Variants in GPR155 observed in about 807,000 individuals in gnomAD.
The protein encoded by GPR155 is G protein-coupled receptor 155.
GPR155 carries 65 observed loss-of-function variants against 93.1 expected under a neutral mutation model. The ratio of observed to expected loss-of-function variants is 0.70; its 90% CI spans 0.57 to 0.86. The LOEUF is 0.86. GPR155 is among the 40% of genes least tolerant of loss of function. The pLI, the probability that GPR155 is intolerant of heterozygous loss-of-function variation, is 0.00. For synonymous variants in GPR155, 319 were observed against 360.1 expected, an observed-to-expected ratio of 0.89 and a Z score of 1.29; for missense variants, 838 against 1,034.8, an observed-to-expected ratio of 0.81 and a Z score of 2.61.
chr2:174,466,615 C>G lies in GPR155; in HGVS notation c.1195G>C (p.Ala399Pro), dbSNP rs767697426. Residue 399 changes from alanine to proline, a missense_variant, in exon 6 of 16, where the codon GCT (alanine) becomes CCT (proline). Physicochemically the swap from Ala to Pro is conservative, Grantham distance 27 (BLOSUM62 -1). This residue lies in a region of GPR155 where 663 missense variants were observed against 790.1 expected (regional missense o/e 0.84). Transcript: ENST00000392552. Reference sequence around the variant, plus strand: ...TATTTCTTACTCAAAAGAAGAATAGCCAGAGACCAGATCTTGAAGACAAAA... The same window carrying G: ...TATTTCTTACTCAAAAGAAGAATAGGCAGAGACCAGATCTTGAAGACAAAA... ...VSLISLIWSLAILLLSKKYKQ... is the reference protein window; with the variant it reads ...VSLISLIWSLPILLLSKKYKQ... 6.4e-7 allele frequency: 1 copy of G among 1,571,786 alleles called. No homozygotes were observed. The highest frequency in any genetic ancestry group is 1.4e-5 in the African/African-American group (1 of 73,860).
chr2:174,446,494 G>T, intron 12 of GPR155, 117 bp downstream of exon 12: 1 of 825,290 alleles, frequency 1.2e-6, no homozygotes. Context: ...AAATTCAGGT[G>T]ACCTAGCTAC....
At chr2:174,472,548 T>C (rs1688026452) in intron 3 of GPR155, among the ~76,000 whole-genome samples, 1 of 152,220 alleles carries the variant, frequency 6.6e-6, no homozygotes, top group African/African-American at 2.4e-5. Flanking sequence ...AACTACAAAA[T>C]ACTTTTCCCA....
intron 7 of GPR155, among the ~76,000 whole-genome samples, chr2:174,464,764 C>T (rs1687792673): frequency 6.6e-6 from 1 of 152,042 alleles, no homozygotes; most frequent in South Asian, 2.1e-4. Context: ...TGCATAAAAA[C>T]TCATGCTATG....
chr2:174,470,109 A>C (rs1436849200), intron 4 of GPR155, among the ~76,000 whole-genome samples: 1 of 152,074 alleles, frequency 6.6e-6, no homozygotes, highest in East Asian at 1.9e-4. Flanking sequence ...TGGTCTGCCC[A>C]CCTCAGCCTC....
chr2:174,465,039 A>AC (rs1400596822), intron 7 of GPR155, among the ~76,000 whole-genome samples: 1 of 152,142 alleles, frequency 6.6e-6, no homozygotes. Flanking sequence ...GCCAGACAGA[A>AC]TTTTTCACAA....
In GPR155 at chr2:174,475,294, C is replaced by CAAAAA. The variant is rs71024809; in HGVS notation, c.461-1935_461-1931dup. Reference sequence around the variant, plus strand: ...TGGGCGACAGAGCGAGACTCCGTCTCAAAAAAAAAAAAAAAAAAAAAAAAA... The same window carrying CAAAAA: ...TGGGCGACAGAGCGAGACTCCGTCTCAAAAAAAAAAAAAAAAAAAAAAAAAAAAAA... On this transcript the variant is annotated intron_variant, in intron 2 of 15. Transcript: ENST00000392552. Among the ~76,000 whole-genome samples, 104 of 64,310 alleles carry CAAAAA rather than the reference C, an allele frequency of 1.6e-3. 4 individuals are homozygous for CAAAAA. The highest frequency in any genetic ancestry group is 6.4e-3 in the African/African-American group (89 of 13,884). The allele number at this position is 64,310 out of a possible 152,430, so 42.2% of individuals were successfully genotyped here. A position where few individuals can be genotyped will look rare whatever the true frequency, so the allele number is the denominator to read the frequency against.
At position 174,461,628 on chromosome 2, in the gene GPR155, C is replaced by A. The variant is rs140860447; in HGVS notation, c.1429G>T (p.Val477Leu). 2 of 1,611,560 alleles carry A rather than the reference C, an allele frequency of 1.2e-6. No individual in the cohort carries two copies. The highest frequency in any genetic ancestry group is 1.1e-5 in the South Asian group (1 of 91,018). Residue 477 changes from valine (V) to leucine (L), a missense_variant, in exon 8 of 16, where the codon GTA becomes TTA. Physicochemically the swap from Val to Leu is conservative, Grantham distance 32. This residue lies in a region of GPR155 where 663 missense variants were observed against 790.1 expected (regional missense o/e 0.84). Transcript: ENST00000392552. Reference protein sequence around the residue: ...SLFLLKKRERVQIPVGIIIIS... With the variant: ...SLFLLKKRERLQIPVGIIIIS... Reference sequence around the variant, plus strand: ...ATGATTATTCCAACAGGAATTTGTACCCTCTCTCGCTTTTTCAAAAGAAAC... The same window carrying A: ...ATGATTATTCCAACAGGAATTTGTAACCTCTCTCGCTTTTTCAAAAGAAAC...
intron 5 of GPR155, among the ~76,000 whole-genome samples, chr2:174,467,172 AC>A (rs1347410490): frequency 6.6e-6 from 1 of 151,712 alleles, no homozygotes; most frequent in African/African-American, 2.4e-5. Context: ...ACAAAACAAA[AC>A]AAAACAAAAC....
At chr2:174,480,381 A>C (rs1012125925) in intron 2 of GPR155, among the ~76,000 whole-genome samples, 1 of 152,236 alleles carries the variant, frequency 6.6e-6, no homozygotes, top group African/African-American at 2.4e-5. Context: ...CACTGGTACG[A>C]AACAGTTCCT....
At chr2:174,472,889 C>T (rs548702317) in intron 3 of GPR155, 76 bp downstream of exon 3, 3 of 1,138,682 alleles carry the variant, frequency 2.6e-6, no homozygotes, top group Non-Finnish European at 2.5e-6. Context: ...AAAATGGTTG[C>T]AGACATACCC....
Position 174,474,518 on chromosome 2 carries a change from A to AC in GPR155, c.461-1155dup, listed in dbSNP as rs957802154. On this transcript the variant is annotated intron_variant, in intron 2 of 15. Transcript: ENST00000392552. ...GAAAACAAAAGCTTCATTTCCCCCC[A>AC]CCCCCCATAGCATGTTTCCAAGTGC... Among the ~76,000 whole-genome samples the AC allele has an allele frequency of 2.7e-5, 4 of 150,278 alleles. No homozygotes were observed. The South Asian group carries it at 6.4e-4, about 24-fold the overall frequency.
chr2:174,486,542 G>A (rs983384225), intron 1 of GPR155, among the ~76,000 whole-genome samples: 3 of 152,258 alleles, frequency 2.0e-5, no homozygotes, highest in Non-Finnish European at 4.4e-5. Flanking sequence ...CAGATACTGA[G>A]GGTACCCTCG....
chr2:174,450,070 T>C (rs1405864400), intron 11 of GPR155, among the ~76,000 whole-genome samples: 3 of 150,472 alleles, frequency 2.0e-5, no homozygotes, highest in African/African-American at 7.4e-5. Flanking sequence ...GGCTTGAGCC[T>C]AGAAGGCAAC....
intron 3 of GPR155, among the ~76,000 whole-genome samples, chr2:174,472,430 C>CA (rs1688024145): frequency 6.7e-6 from 1 of 149,470 alleles, no homozygotes; most frequent in East Asian, 2.1e-4. Context: ...ACAACAACAA[C>CA]AAAAAAGAAG....
At chr2:174,454,642 G>A (rs992023631) in intron 10 of GPR155, among the ~76,000 whole-genome samples, 9 of 147,176 alleles carry the variant, frequency 6.1e-5, no homozygotes, top group African/African-American at 2.3e-4. Flanking sequence ...AGGAAGGAAG[G>A]AAGGAGGGAG....
chr2:174,445,605 G>T (rs184463032), intron 12 of GPR155, among the ~76,000 whole-genome samples: 1 of 152,030 alleles, frequency 6.6e-6, no homozygotes, highest in African/African-American at 2.4e-5. Flanking sequence ...ACTATCTCAC[G>T]AGCATCCCAG....
At chr2:174,472,035 T>C (rs1006626755) in intron 3 of GPR155, among the ~76,000 whole-genome samples, 1 of 152,206 alleles carries the variant, frequency 6.6e-6, no homozygotes, top group Non-Finnish European at 1.5e-5. Context: ...GGGATAATCT[T>C]GCAGTAAAAT....
chr2:174,481,740 G>A lies in GPR155; in HGVS notation c.217C>T (p.Leu73=). 6.2e-7 allele frequency: 1 copy of A among 1,614,058 alleles called. No homozygotes were observed. Among genetic ancestry groups the A allele is most frequent in the East Asian group, 2.2e-5 (1 of 44,880 alleles). ...NVITSTQAKG[L]GNFVSRFALP... ...GCAAATCTGGAGACAAAATTTCCTA[G>A]TCCTTTGGCCTGGGTTGATGTTATG... Residue 73 remains leucine (L), a synonymous_variant, in exon 2 of 16, where the codon CTA becomes TTA. Coordinates refer to ENST00000392552, the MANE Select transcript of GPR155 (RefSeq NM_152529.7).
intron 11 of GPR155, among the ~76,000 whole-genome samples, chr2:174,448,840 T>C (rs1687234991): frequency 6.6e-6 from 1 of 152,132 alleles, no homozygotes; most frequent in Non-Finnish European, 1.5e-5. Context: ...CCCGGCCTAC[T>C]GGGAAGTTTT....
Sources: gnomAD v4.1 joint callset for allele counts (sites outside exome capture counted in the v4.1 genomes callset) on GRCh38, gnomAD v4.1.1 for gene constraint, gnomAD v4.1.1 regional missense constraint, MANE v1.5 for transcripts, NCBI Gene and HGNC (gene_info 2026-07-23, HGNC 2026-07-21) for gene names.